Variants in IQCN observed in about 807,000 individuals in gnomAD.
The protein encoded by IQCN is IQ motif containing N, also known as IQ domain-containing protein N.
A neutral mutation model predicts 64.4 loss-of-function variants in IQCN; 46 were observed. That is an observed-to-expected ratio of 0.71 (90% CI 0.56 to 0.91). The LOEUF is 0.91. Among genes scored for constraint, IQCN ranks in the 40% least tolerant of loss-of-function variants. The probability of loss-of-function intolerance (pLI) is 0.00; values close to 1 mark genes in which losing one functional copy is unlikely to be tolerated. For missense variants in IQCN, 1,753 were observed against 1,857.4 expected, an observed-to-expected ratio of 0.94 and a Z score of 1.03; for synonymous variants, 733 against 775.6, an observed-to-expected ratio of 0.95 and a Z score of 0.91.
Position 18,267,467 on chromosome 19 carries a change from C to G in IQCN, c.73G>C (p.Glu25Gln), listed in dbSNP as rs377733617. The G allele has an allele frequency of 6.5e-7, 1 of 1,538,206 alleles. No individual in the cohort carries two copies. Among genetic ancestry groups the G allele is most frequent in the South Asian group, 1.3e-5 (1 of 77,236 alleles). ...NAAGRLATVH[E>Q]PVVTQWAVHP... Reference sequence around the variant, plus strand: ...ACCGCCCACTGGGTGACAACTGGCTCGTGAACTGTAGCTAGGCGGCCGGCT... The same window carrying G: ...ACCGCCCACTGGGTGACAACTGGCTGGTGAACTGTAGCTAGGCGGCCGGCT... Residue 25 changes from glutamate (E) to glutamine (Q), a missense_variant, in exon 3 of 4, where the codon GAG becomes CAG. Transcript: ENST00000392413.
intron 2 of IQCN, among the ~76,000 whole-genome samples, chr19:18,268,391 G>A (rs1969655122): frequency 6.6e-6 from 1 of 152,014 alleles, no homozygotes; most frequent in South Asian, 2.1e-4. Flanking sequence ...GATAAATGGT[G>A]AGTGGATTGG....
rs776603742 is a variant in IQCN, at chr19:18,266,085, T to C, written c.1455A>G (p.Pro485=). Residue 485 remains proline (P), a synonymous_variant, in exon 3 of 4, where the codon CCA becomes CCG. Coordinates refer to ENST00000392413, the MANE Select transcript of IQCN (RefSeq NM_001145304.2). The surrounding 1 kb of genome is among the most constrained non-coding windows in gnomAD (Gnocchi z 4.3). ...GGGGTGAGGGCTTGGTCACCCCAAC[T>C]GGGCTCCTCTGGGATGAAGTCTTGG... The part of the protein sequence containing the change: ...TMSKTSSQRS[P]VGVTKPSPQT... The C allele has an allele frequency of 9.9e-5, 160 of 1,613,910 alleles. No individual in the cohort carries two copies. Among genetic ancestry groups the C allele is most frequent in the Admixed American group, 8.0e-4 (48 of 60,008 alleles).
At position 18,257,615 on chromosome 19, in the gene IQCN, G is replaced by A. The variant is rs1969326488; in HGVS notation, c.3669C>T (p.Ser1223=). The change falls in exon 4 of 4, where the codon TCC becomes TCT. Residue 1223 remains serine, a synonymous_variant. Coordinates refer to ENST00000392413, the MANE Select transcript of IQCN (RefSeq NM_001145304.2). ...AGACGCTGCAAGCGTGTGCCTGGCA[G>A]GACTGGAAGCAGCGATGGTCAGATA... ...RTVSDHRCFQ[S]CQAHACSVCH... is the part of the protein sequence containing the mutation. 6.2e-7 allele frequency: 1 copy of A among 1,612,720 alleles called. No homozygotes were observed. Among genetic ancestry groups the A allele is most frequent in the Non-Finnish European group, 8.5e-7 (1 of 1,179,970 alleles).
rs761993120 is a variant in IQCN, at chr19:18,265,648, G to T, written c.1892C>A (p.Ala631Asp). 1 of 1,614,078 alleles carries T rather than the reference G, an allele frequency of 6.2e-7. No homozygotes were observed. ...KTSVAVEMAG[A>D]PSWTKVAEEG... ...CTCAGCAACTTTTGTCCAGGATGGA[G>T]CCCCAGCCATTTCCACTGCCACACT... The change falls in exon 3 of 4, where the codon GCT becomes GAT. Residue 631 changes from alanine to aspartate, a missense_variant. By Grantham distance (126) the Ala-to-Asp change is moderately radical. Transcript: ENST00000392413. This position sits in a 1 kb window ranked among gnomAD's most constrained non-coding sequence, Gnocchi z 4.7.
rs1387244594 is a variant in IQCN, at chr19:18,265,770, A to G, written c.1770T>C (p.Thr590=). The part of the protein sequence containing the change: ...IRCLAQPHPG[T]GVPRAAAELP... ...GCTCAGCTGCAGCCCTGGGGACCCCAGTTCCCGGATGTGGTTGAGCCAGGC... is the reference window on the plus strand; with the variant it reads ...GCTCAGCTGCAGCCCTGGGGACCCCGGTTCCCGGATGTGGTTGAGCCAGGC... The change falls in exon 3 of 4, where the codon ACT becomes ACC. Residue 590 remains threonine (T), a synonymous_variant. Transcript: ENST00000392413. The surrounding 1 kb of genome is among the most constrained non-coding windows in gnomAD (Gnocchi z 4.7). 1 of 1,614,118 alleles carries G rather than the reference A, an allele frequency of 6.2e-7. No individual in the cohort carries two copies. The highest frequency in any genetic ancestry group is 2.2e-5 in the East Asian group (1 of 44,882).
At position 18,265,089 on chromosome 19, in the gene IQCN, A is replaced by G; in HGVS notation, c.2451T>C (p.Thr817=). The part of the protein sequence containing the change: ...QPHGHVPGKT[T]QGGPCPAACE... Reference sequence around the variant, plus strand: ...AGGCTGCCGGGCATGGTCCCCCCTGAGTGGTCTTCCCCGGCACGTGTCCGT... The same window carrying G: ...AGGCTGCCGGGCATGGTCCCCCCTGGGTGGTCTTCCCCGGCACGTGTCCGT... The change falls in exon 3 of 4, where the codon ACT becomes ACC. Residue 817 remains threonine (T), a synonymous_variant. Transcript: ENST00000392413. The surrounding 1 kb of genome is among the most constrained non-coding windows in gnomAD (Gnocchi z 4.7). 2 of 1,601,890 alleles carry G rather than the reference A, an allele frequency of 1.2e-6. No individual in the cohort carries two copies. Among genetic ancestry groups the G allele is most frequent in the Non-Finnish European group, 1.7e-6 (2 of 1,179,754 alleles).
At chr19:18,268,544 T>C (rs1969658853) in intron 2 of IQCN, among the ~76,000 whole-genome samples, 1 of 151,978 alleles carries the variant, frequency 6.6e-6, no homozygotes, top group African/African-American at 2.4e-5. Context: ...TAAAGGCAAA[T>C]TGGCCCGGCA....
chr19:18,257,495 C>T lies in IQCN; in HGVS notation c.3789G>A (p.Gln1263=), dbSNP rs1219568395. The change falls in exon 4 of 4, where the codon CAG becomes CAA. Residue 1263 remains glutamine, a synonymous_variant. Transcript: ENST00000392413. ...CCATGCCCTGCACCACACGGGTGGG[C>T]TGTGTGCGTCCACAGGTATGACAGG... is the stretch of plus-strand genomic sequence containing the variant. ...PRTCHTCGRT[Q]PTRVVQGMGQ... is the part of the protein sequence containing the mutation. 1.3e-5 allele frequency: 21 copies of T among 1,609,066 alleles called. No homozygotes were observed. The highest frequency in any genetic ancestry group is 1.8e-5 in the Non-Finnish European group (21 of 1,178,098).
chr19:18,263,728 G>C (rs947558991), intron 3 of IQCN, among the ~76,000 whole-genome samples: 3 of 152,058 alleles, frequency 2.0e-5, no homozygotes, highest in African/African-American at 7.3e-5. Context: ...TAGAGACCAC[G>C]ATGTACCCCT....
chr19:18,265,935 C>A lies in IQCN; in HGVS notation c.1605G>T (p.Ala535=). ...AGGTGTTGGGAGTTCCGGCTGCTACCGCCACTTGGGGTGGAGCCTTGACAT... is the reference window on the plus strand; with the variant it reads ...AGGTGTTGGGAGTTCCGGCTGCTACAGCCACTTGGGGTGGAGCCTTGACAT... The part of the protein sequence containing the change: ...VANVKAPPQV[A]VAAGTPNTSG... Residue 535 remains alanine (A), a synonymous_variant, in exon 3 of 4, where the codon GCG becomes GCT. Coordinates refer to ENST00000392413, the MANE Select transcript of IQCN (RefSeq NM_001145304.2). The surrounding 1 kb of genome is among the most constrained non-coding windows in gnomAD (Gnocchi z 4.7). The A allele has an allele frequency of 1.9e-6, 3 of 1,614,158 alleles. No individual in the cohort carries two copies. The highest frequency in any genetic ancestry group is 2.5e-6 in the Non-Finnish European group (3 of 1,180,038).
intron 3 of IQCN, among the ~76,000 whole-genome samples, chr19:18,263,288 G>A (rs986579223): frequency 5.3e-5 from 8 of 152,280 alleles, no homozygotes; most frequent in South Asian, 2.1e-4. Flanking sequence ...GAGAGCTTTC[G>A]GAATTGTTCT....
intron 2 of IQCN, among the ~76,000 whole-genome samples, chr19:18,268,857 G>C (rs2148110081): frequency 6.6e-6 from 1 of 151,758 alleles, no homozygotes; most frequent in African/African-American, 2.4e-5. Context: ...AGCTACTCAG[G>C]AGGCTGAGGC....
In IQCN at chr19:18,264,453, C is replaced by G. The variant is rs1969497684; in HGVS notation, c.3087G>C (p.Lys1029Asn). The G allele has an allele frequency of 1.9e-6, 3 of 1,551,120 alleles. No individual in the cohort carries two copies. Among genetic ancestry groups the G allele is most frequent in the Non-Finnish European group, 1.7e-6 (2 of 1,146,872 alleles). The change falls in exon 3 of 4, where the codon AAG becomes AAC. Residue 1029 changes from lysine to asparagine, a missense_variant. Coordinates refer to ENST00000392413, the MANE Select transcript of IQCN (RefSeq NM_001145304.2). This position sits in a 1 kb window ranked among gnomAD's most constrained non-coding sequence, Gnocchi z 4.3. ...ASKSTGSGVTKTPALVKVACR... is the reference protein window; with the variant it reads ...ASKSTGSGVTNTPALVKVACR... ...AGGCCACCTTCACCAGGGCCGGCGT[C>G]TTAGTCACCCCGCTTCCTGTTGATT...
chr19:18,266,698 G>C lies in IQCN; in HGVS notation c.842C>G (p.Thr281Ser). 5 of 1,614,142 alleles carry C rather than the reference G, an allele frequency of 3.1e-6. No homozygotes were observed. Among genetic ancestry groups the C allele is most frequent in the Non-Finnish European group, 4.2e-6 (5 of 1,180,022 alleles). The change falls in exon 3 of 4, where the codon ACC (threonine) becomes AGC (serine). Residue 281 changes from threonine (T) to serine (S), a missense_variant. By Grantham distance (58) the Thr-to-Ser change is moderately conservative. Transcript: ENST00000392413. This position sits in a 1 kb window ranked among gnomAD's most constrained non-coding sequence, Gnocchi z 4.3. ...GTTGGTCCGGGCACTTACACGTTTG[G>C]TCTTCACTGAGTCACCCTCTATGTG... is the stretch of plus-strand genomic sequence containing the variant. Reference protein sequence around the residue: ...LVHIEGDSVKTKRVSARTNKA... With the variant: ...LVHIEGDSVKSKRVSARTNKA...
At chr19:18,272,300 G>C (rs1260862468) in intron 1 of IQCN, among the ~76,000 whole-genome samples, 1 of 149,980 alleles carries the variant, frequency 6.7e-6, no homozygotes, top group Non-Finnish European at 1.5e-5. Context: ...GCAAATTTTT[G>C]TATTTTTAGT....
intron 3 of IQCN, chr19:18,260,230 G>A (rs1278043868): frequency 6.6e-6 from 1 of 152,538 alleles, no homozygotes; most frequent in Non-Finnish European, 1.5e-5. Context: ...AAGTCCGGGG[G>A]GCTGGATACC....
chr19:18,269,397 T>C, intron 2 of IQCN, 69 bp downstream of exon 2: 1 of 1,522,492 alleles, frequency 6.6e-7, no homozygotes, highest in Non-Finnish European at 9.1e-7. Flanking sequence ...CACAGCACAC[T>C]TGTTTGGCAG....
At position 18,264,862 on chromosome 19, in the gene IQCN, T is replaced by G; in HGVS notation, c.2678A>C (p.Asp893Ala). 1.2e-6 allele frequency: 2 copies of G among 1,607,708 alleles called. No homozygotes were observed. Among genetic ancestry groups the G allele is most frequent in the Non-Finnish European group, 1.7e-6 (2 of 1,177,538 alleles). The change falls in exon 3 of 4, where the codon GAT becomes GCT. Residue 893 changes from aspartate to alanine, a missense_variant. Asp to Ala is a moderately radical substitution (Grantham distance 126). Coordinates refer to ENST00000392413, the MANE Select transcript of IQCN (RefSeq NM_001145304.2). This position sits in a 1 kb window ranked among gnomAD's most constrained non-coding sequence, Gnocchi z 4.3. ...GGCTTTGGCCAACAGAGTGCGGAGA[T>G]CCTCCTGGGATGCCAGCACACCAGC... The part of the protein sequence containing the change: ...EVAGVLASQE[D>A]LRTLLAKALS...
rs1969506478 is a variant in IQCN at position 18,264,668 on chromosome 19, C to T, written c.2872G>A (p.Glu958Lys). 9 of 1,551,282 alleles carry T rather than the reference C, an allele frequency of 5.8e-6. No homozygotes were observed. Among genetic ancestry groups the T allele is most frequent in the South Asian group, 1.2e-5 (1 of 84,062 alleles). Reference protein sequence around the residue: ...LTLSRALSRGELRAELTKVMQ... With the variant: ...LTLSRALSRGKLRAELTKVMQ... ...ACCTTGGTGAGTTCCGCCCGCAGCT[C>T]GCCCCGGGACAGGGCTCGGGACAGG... Residue 958 changes from glutamate to lysine, a missense_variant, in exon 3 of 4, where the codon GAG becomes AAG. Glu to Lys is a moderately conservative substitution (Grantham distance 56). Transcript: ENST00000392413. This position sits in a 1 kb window ranked among gnomAD's most constrained non-coding sequence, Gnocchi z 4.3.
Sources: gnomAD v4.1 joint callset for allele counts (sites outside exome capture counted in the v4.1 genomes callset) on GRCh38, gnomAD v4.1.1 for gene constraint, Gnocchi (gnomAD v3.1) non-coding constraint, MANE v1.5 for transcripts, NCBI Gene and HGNC (gene_info 2026-07-23, HGNC 2026-07-21) for gene names.